DIABLO: variants seen among roughly 807,000 people sequenced by gnomAD.
The protein encoded by DIABLO is diablo IAP-binding mitochondrial protein.
In DIABLO, 32 loss-of-function variants were observed where a neutral mutation model predicts 31.7. That is an observed-to-expected ratio of 1.01 (90% confidence interval 0.76 to 1.35). The LOEUF (loss-of-function observed/expected upper bound fraction) is 1.35. Among genes scored for constraint, DIABLO ranks in the 40% most tolerant of loss-of-function variants. The pLI, the probability that DIABLO is intolerant of heterozygous loss-of-function variation, is 0.00. For missense variants in DIABLO, 316 were observed against 286.4 expected (o/e 1.10, Z -0.75); for synonymous variants, 132 against 103.2 (o/e 1.28, Z -1.69).
upstream of DIABLO, among the ~76,000 whole-genome samples, chr12:122,226,817 G>A (rs569536579): frequency 6.6e-5 from 10 of 152,138 alleles, no homozygotes; most frequent in Non-Finnish European, 1.3e-4. Flanking sequence ...GCTCTTCCCC[G>A]CGCCCCGCAG....
intron 5 of DIABLO, chr12:122,208,958 T>C: frequency 5.5e-6 from 2 of 362,954 alleles, no homozygotes; most frequent in South Asian, 2.2e-5. Flanking sequence ...TTTCATCACC[T>C]TGACTAATCT....
intron 1 of DIABLO, chr12:122,225,403 A>G (rs919952780): frequency 3.0e-5 from 30 of 994,478 alleles, no homozygotes; most frequent in Middle Eastern, 5.1e-4. Flanking sequence ...ATTAAAATAA[A>G]ATAAAATGTT....
chr12:122,224,631 A>C lies in DIABLO; in HGVS notation c.64T>G (p.Leu22Val). ...VTSFFRYRQC[L>V]CVPVVANFKK... ...AAGTTAGCCACAACAGGAACACACA[A>C]ACACTGTCTGTACCTGGAAGTAGAA... is the stretch of plus-strand genomic sequence containing the variant. Residue 22 changes from leucine to valine, a missense_variant, in exon 2 of 6, where the codon TTG becomes GTG. Coordinates refer to ENST00000464942, the MANE Select transcript of DIABLO (RefSeq NM_001371333.1). 6.2e-7 allele frequency: 1 copy of C among 1,614,098 alleles called. No homozygotes were observed. Among genetic ancestry groups the C allele is most frequent in the South Asian group, 1.1e-5 (1 of 91,086 alleles).
intron 5 of DIABLO, among the ~76,000 whole-genome samples, chr12:122,215,294 T>A (rs1299400690): frequency 2.7e-5 from 4 of 150,272 alleles, no homozygotes; most frequent in East Asian, 4.0e-4. Context: ...AAAAAAAAAA[T>A]TTGGCCGGAC....
At chr12:122,227,256 C>A (rs1478416961), upstream of DIABLO, 4 of 398,584 alleles carry the variant, frequency 1.0e-5, no homozygotes, top group East Asian at 2.9e-4. Flanking sequence ...CACACCAGCT[C>A]ATCAGACAGT....
intron 5 of DIABLO, among the ~76,000 whole-genome samples, chr12:122,210,589 C>G (rs1481388101): frequency 2.0e-5 from 3 of 150,378 alleles, no homozygotes; most frequent in Non-Finnish European, 4.4e-5. Context: ...CCACGTTAGC[C>G]AGGATGGTCT....
At chr12:122,216,358 T>A in intron 5 of DIABLO, 130 bp downstream of exon 5, 2 of 761,470 alleles carry the variant, frequency 2.6e-6, no homozygotes, top group South Asian at 3.2e-5. Context: ...ATGGGGAAAA[T>A]TTCTCAAAGT....
chr12:122,225,295 G>T, intron 1 of DIABLO: 1 of 624,310 alleles, frequency 1.6e-6, no homozygotes, highest in Non-Finnish European at 2.0e-6. Context: ...GGCTGAGGCT[G>T]AGAATCGCTT....
chr12:122,219,397 G>T (rs1954286267), intron 2 of DIABLO, among the ~76,000 whole-genome samples: 1 of 152,172 alleles, frequency 6.6e-6, no homozygotes, highest in Non-Finnish European at 1.5e-5. Context: ...AGAGCAGGAT[G>T]ATGGGCTAAC....
chr12:122,220,059 T>C (rs949416188), intron 2 of DIABLO, among the ~76,000 whole-genome samples: 2 of 151,268 alleles, frequency 1.3e-5, no homozygotes, highest in African/African-American at 4.9e-5. Context: ...TTCTCCTGCC[T>C]CAGCTTCCCC....
At chr12:122,208,672 A>AC in intron 5 of DIABLO, 95 bp from the exon 6 acceptor site, 1 of 1,307,192 alleles carries the variant, frequency 7.6e-7, no homozygotes, top group Non-Finnish European at 1.1e-6. Context: ...TGTCATCTGA[A>AC]CCCCTCTTGG....
chr12:122,218,143 A>C, intron 3 of DIABLO, 123 bp downstream of exon 3: 1 of 1,219,986 alleles, frequency 8.2e-7, no homozygotes, highest in Non-Finnish European at 1.2e-6. Flanking sequence ...TTGACAACAC[A>C]TAAACAAATA....
chr12:122,208,905 T>G (rs1954009013), intron 5 of DIABLO: 1 of 399,760 alleles, frequency 2.5e-6, no homozygotes, highest in Admixed American at 3.4e-5. Flanking sequence ...ATCTTCCATT[T>G]CTTTTTGACA....
rs767124114 is a variant in DIABLO, at chr12:122,208,894, CAT to C, written c.524-319_524-318del. 5.2e-4 allele frequency: 217 copies of C among 419,624 alleles called. 1 individual carries two copies. Among genetic ancestry groups the C allele is most frequent in the Middle Eastern group, 2.5e-3 (5 of 1,970 alleles). The allele number at this position is 419,624 out of a possible 1,614,324, so 26.0% of individuals were successfully genotyped here. A position where few individuals can be genotyped will look rare whatever the true frequency, so the allele number is the denominator to read the frequency against. Reference sequence around the variant, plus strand: ...CCTTTGATTAATTTTTTTAACTACACATCTTCCATTTCTTTTTGACAAAGAGA... The same window carrying C: ...CCTTTGATTAATTTTTTTAACTACACCTTCCATTTCTTTTTGACAAAGAGA... On this transcript the variant is annotated intron_variant, in intron 5 of 5. Transcript: ENST00000464942.
intron 2 of DIABLO, among the ~76,000 whole-genome samples, chr12:122,223,217 C>T (rs1954372790): frequency 6.6e-6 from 1 of 151,662 alleles, no homozygotes; most frequent in African/African-American, 2.4e-5. Context: ...TGTGGATCGC[C>T]TGAGGTCAGG....
At chr12:122,215,407 C>CTTCTCTATTAAAAATACAAAAACTA (rs1353261537) in intron 5 of DIABLO, among the ~76,000 whole-genome samples, 1 of 152,032 alleles carries the variant, frequency 6.6e-6, no homozygotes, top group African/African-American at 2.4e-5. Context: ...GGCAAAACCC[C>CTTCTCTATTAAAAATACAAAAACTA]TTCTCTATTA....
At chr12:122,210,465 C>T (rs1431313494) in intron 5 of DIABLO, among the ~76,000 whole-genome samples, 7 of 150,968 alleles carry the variant, frequency 4.6e-5, no homozygotes, top group African/African-American at 1.2e-4. Flanking sequence ...CTCCACCTCC[C>T]GGGTTCACGC....
chr12:122,208,663 G>C lies in DIABLO; in HGVS notation c.524-86C>G, dbSNP rs1025398339. ...ACGTTGGCCTGGGGGTGCTGTGGCT[G>C]TCATCTGAACCCCTCTTGGGGTCAC... On this transcript the variant is annotated intron_variant, in intron 5 of 5. Transcript: ENST00000464942. 11 of 1,401,520 alleles carry C rather than the reference G, an allele frequency of 7.8e-6. No individual in the cohort carries two copies. In the Admixed American group the frequency reaches 1.7e-4, roughly 22 times the overall value. 86.8% of individuals were successfully genotyped at this position (1,401,520 alleles called of 1,614,324 possible). A position where few individuals can be genotyped will look rare whatever the true frequency, so the allele number is the denominator to read the frequency against.
chr12:122,216,392 A>G (rs1954211425), intron 5 of DIABLO, 96 bp downstream of exon 5: 2 of 1,061,758 alleles, frequency 1.9e-6, no homozygotes, highest in Non-Finnish European at 1.4e-6. Context: ...ACCATTTACT[A>G]TAAAGCCCTC....
Sources: allele counts gnomAD v4.1 joint callset (sites outside exome capture counted in the v4.1 genomes callset), GRCh38; gene constraint gnomAD v4.1.1; transcripts MANE v1.5; gene names NCBI Gene and HGNC (gene_info 2026-07-23, HGNC 2026-07-21).